Variants in L3MBTL4 observed in about 807,000 individuals in gnomAD.
L3MBTL4 encodes the protein L3MBTL histone methyl-lysine binding protein 4, also known as lethal(3)malignant brain tumor-like protein 4.
In L3MBTL4, 70 loss-of-function variants were observed where a neutral mutation model predicts 84.5. That is an observed-to-expected ratio of 0.83 (90% CI 0.68 to 1.01). The LOEUF (loss-of-function observed/expected upper bound fraction) is 1.01, where lower values mean the gene tolerates loss of function less well. Ranked by LOEUF, L3MBTL4 falls within the 50% of genes least tolerant of loss-of-function variation. The pLI is 0.00. For synonymous variants in L3MBTL4, 274 were observed against 259.8 expected (o/e 1.05, Z -0.52); for missense variants, 715 against 754.8 (o/e 0.95, Z 0.62).
intron 16 of L3MBTL4, among the ~76,000 whole-genome samples, chr18:5,994,595 G>T (rs981391971): frequency 6.6e-6 from 1 of 152,146 alleles, no homozygotes; most frequent in African/African-American, 2.4e-5. Context: ...TTGAAGCCAG[G>T]CATGGTGGGC....
At chr18:6,338,879 A>G (rs2052470910) in intron 1 of L3MBTL4, among the ~76,000 whole-genome samples, 1 of 152,174 alleles carries the variant, frequency 6.6e-6, no homozygotes, top group Admixed American at 6.5e-5. Flanking sequence ...CCTAGACTGT[A>G]AGGCAAGAAA....
At chr18:6,406,771 T>G (rs2055754012) in intron 1 of L3MBTL4, among the ~76,000 whole-genome samples, 1 of 152,118 alleles carries the variant, frequency 6.6e-6, no homozygotes, top group South Asian at 2.1e-4. Context: ...ATGAGATTAT[T>G]TTTAAACTCC....
intron 13 of L3MBTL4, among the ~76,000 whole-genome samples, chr18:6,140,665 T>A (rs1264221327): frequency 6.6e-6 from 1 of 152,022 alleles, no homozygotes; most frequent in Admixed American, 6.5e-5. Context: ...TCTCATCACC[T>A]CCCATTCTCC....
At chr18:6,343,790 G>T (rs1047938568) in intron 1 of L3MBTL4, among the ~76,000 whole-genome samples, 1 of 151,876 alleles carries the variant, frequency 6.6e-6, no homozygotes, top group African/African-American at 2.4e-5. Context: ...TAAGCAACAT[G>T]CTCCTGAATA....
At chr18:6,128,313 C>A (rs935156840) in intron 14 of L3MBTL4, among the ~76,000 whole-genome samples, 3 of 151,786 alleles carry the variant, frequency 2.0e-5, no homozygotes, top group African/African-American at 7.3e-5. Context: ...GCAAACAGAG[C>A]AAATAGAAAA....
chr18:6,405,374 G>A (rs972969855), intron 1 of L3MBTL4, among the ~76,000 whole-genome samples: 3 of 152,224 alleles, frequency 2.0e-5, no homozygotes, highest in Non-Finnish European at 2.9e-5. Context: ...AAAAGCTGGC[G>A]TGAAGGTAAT....
At chr18:6,026,757 T>G (rs1465571040) in intron 16 of L3MBTL4, among the ~76,000 whole-genome samples, 1 of 152,192 alleles carries the variant, frequency 6.6e-6, no homozygotes. Context: ...TGAATATTAA[T>G]TAACATTTAC....
At chr18:6,129,480 A>G (rs2059809656) in intron 14 of L3MBTL4, among the ~76,000 whole-genome samples, 1 of 151,564 alleles carries the variant, frequency 6.6e-6, no homozygotes, top group Admixed American at 6.6e-5. Flanking sequence ...AAATTTGTAT[A>G]ACTTTTTGAG....
chr18:5,956,599 T>C (rs1045954466), intron 18 of L3MBTL4, among the ~76,000 whole-genome samples: 2 of 152,178 alleles, frequency 1.3e-5, no homozygotes, highest in African/African-American at 4.8e-5. Context: ...GAAGTTAAAT[T>C]GAAAAGATGC....
chr18:6,101,502 G>T (rs1429484896), intron 14 of L3MBTL4, among the ~76,000 whole-genome samples: 2 of 152,116 alleles, frequency 1.3e-5, no homozygotes, highest in Admixed American at 6.5e-5. Flanking sequence ...CTTTCTAAAT[G>T]AAGAACTTGT....
chr18:6,102,795 C>A (rs2143896595), intron 14 of L3MBTL4, among the ~76,000 whole-genome samples: 1 of 152,250 alleles, frequency 6.6e-6, no homozygotes, highest in South Asian at 2.1e-4. Context: ...AAAAGTCAAA[C>A]CCAAGATGTG....
intron 1 of L3MBTL4, among the ~76,000 whole-genome samples, chr18:6,371,753 T>G (rs1032308391): frequency 6.6e-6 from 1 of 152,208 alleles, no homozygotes; most frequent in African/African-American, 2.4e-5. Context: ...TGCCAACCTA[T>G]AATAAAGCAG....
At chr18:6,145,992 C>T (rs9955536) in intron 13 of L3MBTL4, among the ~76,000 whole-genome samples, 1,835 of 152,124 alleles carry the variant, frequency 0.012, 43 homozygotes, top group African/African-American at 0.041. Context: ...ATTTTTAAGA[C>T]GGGGAGGCAG....
chr18:6,089,868 C>T (rs547826574), intron 15 of L3MBTL4, among the ~76,000 whole-genome samples: 3 of 152,210 alleles, frequency 2.0e-5, no homozygotes, highest in East Asian at 3.9e-4. Flanking sequence ...TTTAATCAGA[C>T]GACCTATGTT....
Position 6,213,267 on chromosome 18 carries a change from T to A in L3MBTL4, c.871-8A>T. The A allele has an allele frequency of 6.6e-7, 1 of 1,522,782 alleles. No homozygotes were observed. Among genetic ancestry groups the A allele is most frequent in the Non-Finnish European group, 9.0e-7 (1 of 1,113,282 alleles). The allele number at this position is 1,522,782 out of a possible 1,614,324, so 94.3% of individuals were successfully genotyped here. A position where few individuals can be genotyped will look rare whatever the true frequency, so the allele number is the denominator to read the frequency against. ...AAAACCATGAGGCAACCTCTGTAAA[T>A]GTTATTATAAGTACAACAAATCATG... On this transcript the variant is annotated splice_polypyrimidine_tract_variant and splice_region_variant and intron_variant, in intron 11 of 18. Transcript: ENST00000317931.
At chr18:5,969,770 A>G (rs948156329) in intron 16 of L3MBTL4, among the ~76,000 whole-genome samples, 5 of 152,164 alleles carry the variant, frequency 3.3e-5, no homozygotes, top group African/African-American at 1.2e-4. Context: ...GATGTTACCC[A>G]TGCCCAGAAG....
intron 12 of L3MBTL4, among the ~76,000 whole-genome samples, chr18:6,196,284 A>C (rs2045384598): frequency 6.6e-6 from 1 of 151,360 alleles, no homozygotes; most frequent in South Asian, 2.1e-4. Flanking sequence ...CAGCCTCCCA[A>C]GTAGCTGGGA....
At chr18:6,404,993 G>A (rs917723064) in intron 1 of L3MBTL4, among the ~76,000 whole-genome samples, 3 of 152,096 alleles carry the variant, frequency 2.0e-5, no homozygotes, top group African/African-American at 7.2e-5. Context: ...ACCACACCCA[G>A]TTAGCTATTT....
At chr18:6,113,807 C>A (rs576571521) in intron 14 of L3MBTL4, among the ~76,000 whole-genome samples, 1 of 152,126 alleles carries the variant, frequency 6.6e-6, no homozygotes, top group African/African-American at 2.4e-5. Context: ...GGATATTGAA[C>A]GCCCAGTAAC....
Sources: allele counts gnomAD v4.1 joint callset (sites outside exome capture counted in the v4.1 genomes callset), GRCh38; gene constraint gnomAD v4.1.1; transcripts MANE v1.5; gene names NCBI Gene and HGNC (gene_info 2026-07-23, HGNC 2026-07-21).